CA10: variants seen among roughly 807,000 people sequenced by gnomAD.
CA10 encodes the protein carbonic anhydrase 10 (inactive).
A neutral mutation model predicts 44.2 loss-of-function variants in CA10; 14 were observed. That is an observed-to-expected ratio of 0.32 (90% CI 0.21 to 0.50). CA10 has a LOEUF of 0.50. CA10 is among the 20% of genes least tolerant of loss of function. The pLI is 0.99. For missense variants in CA10, 350 were observed against 409.7 expected (o/e 0.85, Z 1.26); for synonymous variants, 159 against 141.6 (o/e 1.12, Z -0.87).
At chr17:51,708,602 A>G (rs1052460099) in intron 4 of CA10, among the ~76,000 whole-genome samples, 2 of 152,074 alleles carry the variant, frequency 1.3e-5, no homozygotes, top group Admixed American at 1.3e-4. Flanking sequence ...GATGCAAAGT[A>G]TTTTTCCTGG....
intron 1 of CA10, among the ~76,000 whole-genome samples, chr17:52,139,104 G>A (rs1245844835): frequency 6.6e-6 from 1 of 152,112 alleles, no homozygotes; most frequent in African/African-American, 2.4e-5. Flanking sequence ...GGTGTAGGGG[G>A]AGGAGAGAAA....
At chr17:51,872,682 G>C (rs924098724) in intron 3 of CA10, among the ~76,000 whole-genome samples, 2 of 152,210 alleles carry the variant, frequency 1.3e-5, no homozygotes, top group African/African-American at 4.8e-5. Context: ...TAGCTTGCAA[G>C]AGCCAATTGT....
At chr17:51,637,945 T>C (rs1274905402) in intron 6 of CA10, among the ~76,000 whole-genome samples, 1 of 152,234 alleles carries the variant, frequency 6.6e-6, no homozygotes, top group Non-Finnish European at 1.5e-5. Context: ...GAGAGATAGA[T>C]AACAAATGGC....
intron 4 of CA10, among the ~76,000 whole-genome samples, chr17:51,656,670 G>T (rs1913804594): frequency 6.6e-6 from 1 of 152,204 alleles, no homozygotes; most frequent in Non-Finnish European, 1.5e-5. Context: ...ATGACAGTGT[G>T]CGCTCTAGGG....
chr17:51,737,940 A>G (rs1916967569), intron 4 of CA10, among the ~76,000 whole-genome samples: 1 of 152,180 alleles, frequency 6.6e-6, no homozygotes, highest in Admixed American at 6.5e-5. Context: ...ACCTTCACTT[A>G]CTATATCCTA....
At chr17:51,967,875 G>A (rs746652409) in intron 2 of CA10, among the ~76,000 whole-genome samples, 26 of 151,672 alleles carry the variant, frequency 1.7e-4, no homozygotes, top group Non-Finnish European at 2.1e-4. Flanking sequence ...GATAGAATAC[G>A]AAAAATGGCC....
intron 3 of CA10, among the ~76,000 whole-genome samples, chr17:51,758,574 C>G (rs757699830): frequency 3.3e-5 from 5 of 152,172 alleles, no homozygotes; most frequent in African/African-American, 7.2e-5. Flanking sequence ...TCAGGCTGCC[C>G]AGCCTCTGAC....
At chr17:51,852,018 AG>A (rs962942876) in intron 3 of CA10, among the ~76,000 whole-genome samples, 8 of 152,210 alleles carry the variant, frequency 5.3e-5, no homozygotes, top group African/African-American at 1.9e-4. Flanking sequence ...TCTAGTTGAA[AG>A]GGCTTAAAAA....
At chr17:52,016,603 T>C (rs1052992206) in intron 2 of CA10, among the ~76,000 whole-genome samples, 2 of 152,064 alleles carry the variant, frequency 1.3e-5, no homozygotes, top group African/African-American at 4.8e-5. Flanking sequence ...TGAGTGCATG[T>C]GAGACCTGAC....
chr17:51,923,483 G>T (rs963883838), intron 3 of CA10, among the ~76,000 whole-genome samples: 13 of 152,094 alleles, frequency 8.5e-5, no homozygotes, highest in Non-Finnish European at 1.5e-5. Context: ...ATCTCAAATA[G>T]TTATTTAAAT....
At chr17:51,771,576 AC>A (rs1231305749) in intron 3 of CA10, among the ~76,000 whole-genome samples, 5 of 152,200 alleles carry the variant, frequency 3.3e-5, no homozygotes, top group Non-Finnish European at 7.3e-5. Context: ...CAGTAGTCAT[AC>A]ACTTGGAAAT....
chr17:51,651,791 G>A (rs958380134), intron 5 of CA10, among the ~76,000 whole-genome samples: 9 of 152,180 alleles, frequency 5.9e-5, no homozygotes, highest in African/African-American at 1.7e-4. Context: ...GACCAAGGCC[G>A]AGACACTCTC....
chr17:51,922,965 A>G (rs1982290395), intron 3 of CA10, among the ~76,000 whole-genome samples: 1 of 152,192 alleles, frequency 6.6e-6, no homozygotes, highest in South Asian at 2.1e-4. Flanking sequence ...GAAAGGATAT[A>G]ATTGATATGT....
chr17:51,827,367 T>TAC lies in CA10; in HGVS notation c.280-79551_280-79550dup, dbSNP rs538902446. Among the ~76,000 whole-genome samples the TAC allele has an allele frequency of 2.5e-3, 369 of 149,952 alleles. 2 individuals carry two copies. The highest frequency in any genetic ancestry group is 3.7e-3 in the Non-Finnish European group (251 of 67,352). ...ACACACACACACATACACACACACA[T>TAC]ACACACACACACAATTAAACTGTAA... On this transcript the variant is annotated intron_variant, in intron 3 of 8. Transcript: ENST00000451037.
At chr17:52,145,884 T>C (rs1989571884) in intron 1 of CA10, among the ~76,000 whole-genome samples, 1 of 152,128 alleles carries the variant, frequency 6.6e-6, no homozygotes, top group African/African-American at 2.4e-5. Flanking sequence ...ATAATCACAA[T>C]ATTGAGATTA....
intron 4 of CA10, among the ~76,000 whole-genome samples, chr17:51,729,468 T>C (rs997799619): frequency 6.6e-6 from 1 of 152,138 alleles, no homozygotes; most frequent in Non-Finnish European, 1.5e-5. Context: ...ATATGGACTT[T>C]TCATATGGGC....
chr17:51,729,031 G>A (rs554133966), intron 4 of CA10, among the ~76,000 whole-genome samples: 1 of 152,050 alleles, frequency 6.6e-6, no homozygotes, highest in Non-Finnish European at 1.5e-5. Context: ...TCCAGTGCAG[G>A]AGCAAACTTG....
intron 3 of CA10, among the ~76,000 whole-genome samples, chr17:51,827,357 C>T (rs1598066155): frequency 6.8e-6 from 1 of 147,780 alleles, no homozygotes; most frequent in Admixed American, 6.7e-5. Context: ...CACACACATA[C>T]ACACACACAT....
At chr17:51,897,131 T>C (rs539943270) in intron 3 of CA10, among the ~76,000 whole-genome samples, 4 of 152,280 alleles carry the variant, frequency 2.6e-5, no homozygotes, top group East Asian at 1.9e-4. Flanking sequence ...GTTTTCATCA[T>C]GAAATTTTTG....
Sources: gnomAD v4.1 joint callset for allele counts (sites outside exome capture counted in the v4.1 genomes callset) on GRCh38, gnomAD v4.1.1 for gene constraint, MANE v1.5 for transcripts, NCBI Gene and HGNC (gene_info 2026-07-23, HGNC 2026-07-21) for gene names.